Variants in CLIP1 observed in about 807,000 individuals in gnomAD.
CLIP1 encodes the protein CAP-Gly domain-containing linker protein 1.
Under a neutral mutation model 161.6 loss-of-function variants are expected in CLIP1, and 66 were observed. The observed-to-expected ratio is 0.41, with a 90% CI of 0.33 to 0.50. The LOEUF is 0.50. Among genes scored for constraint, CLIP1 ranks in the 20% least tolerant of loss-of-function variants. The pLI is 0.27. For synonymous variants in CLIP1, 598 were observed against 626.2 expected (o/e 0.96, Z 0.67); for missense variants, 1,376 against 1,702.0 (o/e 0.81, Z 3.37).
Position 122,272,828 on chromosome 12 carries a change from C to A in CLIP1, c.*47G>T. The A allele has an allele frequency of 6.6e-7, 1 of 1,510,838 alleles. No homozygotes were observed. The highest frequency in any genetic ancestry group is 9.2e-7 in the Non-Finnish European group (1 of 1,086,246). The allele number at this position is 1,510,838 out of a possible 1,614,324, so 93.6% of individuals were successfully genotyped here. ...ACACAATGCTGGTGTTACGTTGTGT[C>A]AATGCGAGTGCGTCTGAGCAAGCCC... On this transcript the variant is annotated 3_prime_UTR_variant, in exon 26 of 26. Transcript: ENST00000620786.
In CLIP1 at chr12:122,349,401, C is replaced by G. The variant is rs1340380353; in HGVS notation, c.1401+1710G>C. On this transcript the variant is annotated intron_variant, in intron 9 of 25. Coordinates refer to ENST00000620786, the MANE Select transcript of CLIP1 (RefSeq NM_001247997.2). ...GTCTATATACACATTATCTGGGACT[C>G]TACAGTGCCTCAGCCTCCGTAGTAG... Among the ~76,000 whole-genome samples the G allele has an allele frequency of 3.3e-5, 5 of 152,334 alleles. No individual in the cohort carries two copies. In the East Asian group the frequency reaches 5.8e-4, roughly 18 times the overall value.
intron 20 of CLIP1, among the ~76,000 whole-genome samples, chr12:122,289,797 C>A (rs971645957): frequency 2.1e-5 from 3 of 144,996 alleles, no homozygotes; most frequent in African/African-American, 8.0e-5. Context: ...TCAACTCACA[C>A]TGTTAATGTT....
chr12:122,335,730 C>T (rs562885397), intron 12 of CLIP1, among the ~76,000 whole-genome samples: 1 of 151,930 alleles, frequency 6.6e-6, no homozygotes, highest in South Asian at 2.1e-4. Flanking sequence ...TTTCTTGAAC[C>T]TGGGAGGCAG....
At chr12:122,287,485 C>A (rs1023671793) in intron 21 of CLIP1, among the ~76,000 whole-genome samples, 2 of 152,192 alleles carry the variant, frequency 1.3e-5, no homozygotes, top group Non-Finnish European at 2.9e-5. Context: ...CGAAAAAGCA[C>A]ATCACTGTTG....
chr12:122,297,866 G>A (rs1164072648), intron 20 of CLIP1, among the ~76,000 whole-genome samples: 1 of 152,184 alleles, frequency 6.6e-6, no homozygotes, highest in Non-Finnish European at 1.5e-5. Context: ...CTTAGCTGGT[G>A]GCCCCATCAG....
chr12:122,393,877 A>C (rs1216381794), intron 1 of CLIP1, among the ~76,000 whole-genome samples: 2 of 118,770 alleles, frequency 1.7e-5, no homozygotes, highest in Non-Finnish European at 3.3e-5. Context: ...AGACCACTGC[A>C]CTCCAGCCTG....
chr12:122,328,337 G>A lies in CLIP1; in HGVS notation c.2957C>T (p.Ala986Val). ...AGCTGCTTCTTGCTGGCTCTGTTCA[G>A]CTTTGACAGTCATGTCCTCAATACT... ...QKSIEDMTVK[A>V]EQSQQEAAKK... is the part of the protein sequence containing the mutation. The change falls in exon 16 of 26, where the codon GCT becomes GTT. Residue 986 changes from alanine to valine, a missense_variant. Ala to Val is a moderately conservative substitution (Grantham distance 64). This residue lies in a region of CLIP1 where 948 missense variants were observed against 1,134.8 expected (regional missense o/e 0.84). Coordinates refer to ENST00000620786, the MANE Select transcript of CLIP1 (RefSeq NM_001247997.2). 1 of 1,613,974 alleles carries A rather than the reference G, an allele frequency of 6.2e-7. No homozygotes were observed. Among genetic ancestry groups the A allele is most frequent in the Non-Finnish European group, 8.5e-7 (1 of 1,180,000 alleles).
intron 24 of CLIP1, 61 bp from the exon 25 acceptor site, chr12:122,274,223 GA>G: frequency 6.9e-7 from 1 of 1,439,792 alleles, no homozygotes; most frequent in South Asian, 1.1e-5. Flanking sequence ...GGAGCATCAA[GA>G]AGTCATGAAG....
chr12:122,362,715 A>T (rs1383548407), intron 4 of CLIP1, among the ~76,000 whole-genome samples: 25 of 8,024 alleles, frequency 3.1e-3, no homozygotes, highest in African/African-American at 0.016. Flanking sequence ...AAATATGATA[A>T]AAAAAAAAAA....
intron 17 of CLIP1, 31 bp downstream of exon 17, chr12:122,327,916 C>T: frequency 6.2e-7 from 1 of 1,605,920 alleles, no homozygotes; most frequent in Non-Finnish European, 8.5e-7. Context: ...AGGCAAGCTA[C>T]AACACAAGGA....
intron 9 of CLIP1, among the ~76,000 whole-genome samples, chr12:122,349,986 C>T (rs910840141): frequency 6.6e-6 from 1 of 151,394 alleles, no homozygotes; most frequent in Non-Finnish European, 1.5e-5. Flanking sequence ...GTCACTGCAA[C>T]CTCTGCCTCC....
In CLIP1 at chr12:122,357,117, C is replaced by T. The variant is rs560699906; in HGVS notation, c.1006-1805G>A. Among the ~76,000 whole-genome samples the T allele has an allele frequency of 2.6e-5, 4 of 151,644 alleles. No homozygotes were observed. In the East Asian group the frequency reaches 5.9e-4, roughly 22 times the overall value. On this transcript the variant is annotated intron_variant, in intron 5 of 25. Coordinates refer to ENST00000620786, the MANE Select transcript of CLIP1 (RefSeq NM_001247997.2). ...GCTGCCCAGTCTGGAAAGTGAGGAG[C>T]GTCTCTGCCCGGCCGCCATCTCATC...
chr12:122,273,861 A>T (rs768106904), intron 25 of CLIP1, among the ~76,000 whole-genome samples, 177 bp downstream of exon 25: 1 of 151,926 alleles, frequency 6.6e-6, no homozygotes, highest in Non-Finnish European at 1.5e-5. Flanking sequence ...CCTCCCAAGT[A>T]GCTGGGATTA....
intron 2 of CLIP1, among the ~76,000 whole-genome samples, chr12:122,379,817 G>A (rs1954922180): frequency 6.6e-6 from 1 of 151,398 alleles, no homozygotes. Context: ...GGTGGCATGT[G>A]TCTGTAATCC....
intron 17 of CLIP1, among the ~76,000 whole-genome samples, chr12:122,320,194 G>A (rs946822359): frequency 6.6e-6 from 1 of 151,432 alleles, no homozygotes; most frequent in African/African-American, 2.4e-5. Context: ...GTGAACCTGG[G>A]AGGCGGAGGT....
chr12:122,401,526 G>A (rs771101508), intron 1 of CLIP1, among the ~76,000 whole-genome samples: 2 of 152,018 alleles, frequency 1.3e-5, no homozygotes, highest in Non-Finnish European at 2.9e-5. Context: ...TCAGCCAGGC[G>A]GCGTGGTGGC....
At chr12:122,357,659 G>C (rs996760449) in intron 5 of CLIP1, among the ~76,000 whole-genome samples, 1 of 148,590 alleles carries the variant, frequency 6.7e-6, no homozygotes, top group Non-Finnish European at 1.5e-5. Flanking sequence ...CCCTCTGCCC[G>C]GCCAGCCGCC....
At chr12:122,357,349 A>C (rs1266489028) in intron 5 of CLIP1, among the ~76,000 whole-genome samples, 1 of 134,236 alleles carries the variant, frequency 7.4e-6, no homozygotes, top group Non-Finnish European at 1.6e-5. Flanking sequence ...AAGAGAGGAG[A>C]CCCTCCGCCT....
intron 20 of CLIP1, among the ~76,000 whole-genome samples, chr12:122,290,968 C>T (rs1169247086): frequency 6.6e-6 from 1 of 151,402 alleles, no homozygotes. Context: ...CCTCAGCTCA[C>T]TGCAACCTCA....
Sources: gnomAD v4.1 joint callset for allele counts (sites outside exome capture counted in the v4.1 genomes callset) on GRCh38, gnomAD v4.1.1 for gene constraint, gnomAD v4.1.1 regional missense constraint, MANE v1.5 for transcripts, NCBI Gene and HGNC (gene_info 2026-07-23, HGNC 2026-07-21) for gene names.